The following GABRG3 variants were observed in gnomAD, a reference collection of about 807,000 sequenced individuals.
The protein encoded by GABRG3 is gamma-aminobutyric acid receptor subunit gamma-3.
GABRG3 carries 25 observed loss-of-function variants against 48.8 expected under a neutral mutation model. The observed-to-expected ratio is 0.51, with a 90% CI of 0.37 to 0.72. GABRG3 has a LOEUF of 0.72. Ranked by LOEUF, GABRG3 falls within the 30% of genes least tolerant of loss-of-function variation. The probability of loss-of-function intolerance (pLI) is 0.00; values close to 1 mark genes in which losing one functional copy is unlikely to be tolerated. For synonymous variants in GABRG3, 227 were observed against 217.6 expected (o/e 1.04, Z -0.38); for missense variants, 394 against 577.9 (o/e 0.68, Z 3.26).
intron 3 of GABRG3, among the ~76,000 whole-genome samples, chr15:27,134,050 T>C (rs1276112523): frequency 1.3e-5 from 2 of 152,242 alleles, no homozygotes; most frequent in Non-Finnish European, 2.9e-5. Context: ...TGTAATTAAA[T>C]GCTTTGCTGT....
intron 3 of GABRG3, among the ~76,000 whole-genome samples, chr15:27,313,291 T>C (rs1381501395): frequency 9.2e-6 from 1 of 108,308 alleles, no homozygotes; most frequent in Non-Finnish European, 1.8e-5. Flanking sequence ...TATATATATA[T>C]ATATATATAT....
chr15:27,013,766 T>C (rs886878623), intron 2 of GABRG3, among the ~76,000 whole-genome samples: 1 of 152,120 alleles, frequency 6.6e-6, no homozygotes, highest in African/African-American at 2.4e-5. Flanking sequence ...TTTGATTTTG[T>C]AGTAAGTTTT....
chr15:27,457,502 T>G lies in GABRG3; in HGVS notation c.575-23148T>G, dbSNP rs558084204. Among the ~76,000 whole-genome samples, 21 of 152,284 alleles carry G rather than the reference T, an allele frequency of 1.4e-4. No homozygotes were observed. In the East Asian group the frequency reaches 2.9e-3, roughly 21 times the overall value. On this transcript the variant is annotated intron_variant, in intron 5 of 9. Transcript: ENST00000615808. The surrounding 1 kb of genome is among the most constrained non-coding windows in gnomAD (Gnocchi z 4.4). ...GATAAACAATCTTTTAACACAGCAA[T>G]GGGTCTGGGCTTTAAATGAAGAGCT...
chr15:27,374,978 G>GTA (rs1352060314), intron 5 of GABRG3, among the ~76,000 whole-genome samples: 1 of 152,080 alleles, frequency 6.6e-6, no homozygotes, highest in African/African-American at 2.4e-5. Context: ...ACACAATGGG[G>GTA]TACAGATGGT....
At chr15:27,150,751 G>A (rs988531812) in intron 3 of GABRG3, among the ~76,000 whole-genome samples, 6 of 152,204 alleles carry the variant, frequency 3.9e-5, no homozygotes, top group Admixed American at 3.9e-4. Flanking sequence ...TGCAGATGAG[G>A]GACCTGAGTT....
chr15:27,005,468 G>A (rs1895566504), intron 2 of GABRG3, among the ~76,000 whole-genome samples: 1 of 152,078 alleles, frequency 6.6e-6, no homozygotes, highest in Non-Finnish European at 1.5e-5. Flanking sequence ...GAAATTGTGA[G>A]ACCTTGAACA....
intron 3 of GABRG3, among the ~76,000 whole-genome samples, chr15:27,186,026 T>A (rs1888083204): frequency 6.6e-6 from 1 of 151,756 alleles, no homozygotes; most frequent in Non-Finnish European, 1.5e-5. Flanking sequence ...TTTTTTTTTT[T>A]TTTTTTCAAA....
chr15:27,146,326 C>T (rs1003865843), intron 3 of GABRG3, among the ~76,000 whole-genome samples: 9 of 152,084 alleles, frequency 5.9e-5, no homozygotes, highest in Middle Eastern at 3.4e-3. Context: ...GTTTGATGGC[C>T]GGTGCCTGTA....
intron 3 of GABRG3, among the ~76,000 whole-genome samples, chr15:27,069,624 T>A (rs1896794416): frequency 6.6e-6 from 1 of 152,240 alleles, no homozygotes; most frequent in Non-Finnish European, 1.5e-5. Flanking sequence ...AAATGTTAAC[T>A]GCCGTTATTA....
At chr15:27,416,489 A>G (rs934485102) in intron 5 of GABRG3, among the ~76,000 whole-genome samples, 1 of 152,178 alleles carries the variant, frequency 6.6e-6, no homozygotes, top group African/African-American at 2.4e-5. Context: ...GCATATTTCA[A>G]AATGGTTCCT....
chr15:27,348,181 C>CAAAAAAAAAAA (rs1894442716), intron 5 of GABRG3, among the ~76,000 whole-genome samples: 1 of 95,552 alleles, frequency 1.0e-5, no homozygotes, highest in African/African-American at 5.0e-5. Flanking sequence ...TGGAGATTTT[C>CAAAAAAAAAAA]AAAGGCAGGT....
In GABRG3 at chr15:27,026,767, A is replaced by G. The variant is rs2140682324; in HGVS notation, c.216A>G (p.Val72=). 6.2e-7 allele frequency: 1 copy of G among 1,611,644 alleles called. No individual in the cohort carries two copies. The highest frequency in any genetic ancestry group is 2.2e-5 in the East Asian group (1 of 44,824). The part of the protein sequence containing the change: ...LRPDIGIKPT[V]IDVDIYVNSI... ...TTTTCTCCACAGTAAAACCGACCGT[A>G]ATTGACGTTGACATTTATGTTAACA... The change falls in exon 3 of 10, where the codon GTA becomes GTG. Residue 72 remains valine (V), a synonymous_variant. Coordinates refer to ENST00000615808, the MANE Select transcript of GABRG3 (RefSeq NM_033223.5).
At chr15:27,467,002 G>T (rs958355289) in intron 5 of GABRG3, among the ~76,000 whole-genome samples, 4 of 152,188 alleles carry the variant, frequency 2.6e-5, no homozygotes, top group Admixed American at 2.6e-4. Flanking sequence ...ACACTGCTGT[G>T]CATTTAATAT....
At chr15:27,436,074 C>T (rs1034146356) in intron 5 of GABRG3, among the ~76,000 whole-genome samples, 3 of 152,166 alleles carry the variant, frequency 2.0e-5, no homozygotes, top group African/African-American at 4.8e-5. Context: ...TGAGTGTCTT[C>T]GTCAGGTCAG....
At chr15:27,034,986 C>T (rs918606682) in intron 3 of GABRG3, among the ~76,000 whole-genome samples, 3 of 152,178 alleles carry the variant, frequency 2.0e-5, no homozygotes, top group African/African-American at 7.2e-5. Context: ...GACATTAAAC[C>T]TATGAGGCCA....
At chr15:27,036,494 A>G (rs1414863299) in intron 3 of GABRG3, among the ~76,000 whole-genome samples, 2 of 152,230 alleles carry the variant, frequency 1.3e-5, no homozygotes, top group Non-Finnish European at 2.9e-5. Context: ...GTTGGAGACC[A>G]GCCTGACCAA....
At chr15:27,071,355 C>T (rs779308105) in intron 3 of GABRG3, among the ~76,000 whole-genome samples, 16 of 152,164 alleles carry the variant, frequency 1.1e-4, no homozygotes, top group African/African-American at 3.9e-4. Flanking sequence ...AGCGCTGATT[C>T]GAGGTGAGGC....
At chr15:27,508,783 G>A (rs567512369) in intron 6 of GABRG3, among the ~76,000 whole-genome samples, 1 of 151,930 alleles carries the variant, frequency 6.6e-6, no homozygotes, top group African/African-American at 2.4e-5. Context: ...GCGTGATCTC[G>A]GCTCACTGCA....
intron 1 of GABRG3, among the ~76,000 whole-genome samples, chr15:26,972,080 G>A (rs891555673): frequency 3.3e-5 from 5 of 152,104 alleles, no homozygotes; most frequent in Non-Finnish European, 5.9e-5. Flanking sequence ...GGCGCGGGGG[G>A]ATTGGAACCA....
Sources: allele counts gnomAD v4.1 joint callset (sites outside exome capture counted in the v4.1 genomes callset), GRCh38; gene constraint gnomAD v4.1.1; non-coding constraint Gnocchi (gnomAD v3.1); transcripts MANE v1.5; gene names NCBI Gene and HGNC (gene_info 2026-07-23, HGNC 2026-07-21).